Variants in TRPM4 observed in about 807,000 individuals in gnomAD.
TRPM4 encodes the protein transient receptor potential cation channel subfamily M member 4, also known as calcium-activated non-selective cation channel 1.
Under a neutral mutation model 135.6 loss-of-function variants are expected in TRPM4, and 124 were observed. The observed-to-expected ratio is 0.91, with a 90% confidence interval of 0.79 to 1.06. TRPM4 has a LOEUF of 1.06. TRPM4 is among the 50% of genes least tolerant of loss of function. The probability of loss-of-function intolerance (pLI) is 0.00; values close to 1 mark genes in which losing one functional copy is unlikely to be tolerated. For synonymous variants in TRPM4, 745 were observed against 705.6 expected, an observed-to-expected ratio of 1.06 and a Z score of -0.88; for missense variants, 1,658 against 1,671.4, an observed-to-expected ratio of 0.99 and a Z score of 0.14.
At chr19:49,186,799 G>C (rs367696132) in intron 12 of TRPM4, among the ~76,000 whole-genome samples, 1 of 151,958 alleles carries the variant, frequency 6.6e-6, no homozygotes, top group Non-Finnish European at 1.5e-5. Flanking sequence ...CTTGAACCTC[G>C]GAGGCAGAGG....
chr19:49,183,520 C>G (rs1332203984), intron 12 of TRPM4, among the ~76,000 whole-genome samples: 1 of 151,992 alleles, frequency 6.6e-6, no homozygotes, highest in Non-Finnish European at 1.5e-5. Flanking sequence ...CCTCAGCCTC[C>G]GGAGTAGCTG....
Position 49,202,073 on chromosome 19 carries a change from G to A in TRPM4, c.3063G>A (p.Val1021=), listed in dbSNP as rs1968957900. 6 of 1,614,062 alleles carry A rather than the reference G, an allele frequency of 3.7e-6. No homozygotes were observed. Among genetic ancestry groups the A allele is most frequent in the Non-Finnish European group, 5.1e-6 (6 of 1,180,028 alleles). Residue 1021 remains valine, a synonymous_variant, in exon 20 of 25, where the codon GTG becomes GTA. Coordinates refer to ENST00000252826, the MANE Select transcript of TRPM4 (RefSeq NM_017636.4). ...CVSQYANWLV[V]LLLVIFLLVA... is the part of the protein sequence containing the mutation. ...CCCAGTATGCCAACTGGCTGGTGGT[G>A]CTGCTCCTCGTCATCTTCCTGCTCG...
In TRPM4 at chr19:49,168,412, A is replaced by G. The variant is rs1967317100; in HGVS notation, c.601A>G (p.Ile201Val). Residue 201 changes from isoleucine to valine, a missense_variant, in exon 5 of 25, where the codon ATC becomes GTC. Around this residue, in one of 3 missense-constraint regions of TRPM4, gnomAD observed 1,412 missense variants for 1,408.7 expected, o/e 1.00. Coordinates refer to ENST00000252826, the MANE Select transcript of TRPM4 (RefSeq NM_017636.4). ...TGTGGTCCGGAATAGAGACACCCTCATCAACCCCAAGGTGTGACCCAGGGA... is the reference window on the plus strand; with the variant it reads ...TGTGGTCCGGAATAGAGACACCCTCGTCAACCCCAAGGTGTGACCCAGGGA... Reference protein sequence around the residue: ...WGVVRNRDTLINPKGSFPARY... With the variant: ...WGVVRNRDTLVNPKGSFPARY... 1 of 1,613,866 alleles carries G rather than the reference A, an allele frequency of 6.2e-7. No homozygotes were observed. Among genetic ancestry groups the G allele is most frequent in the African/African-American group, 1.3e-5 (1 of 74,876 alleles).
At chr19:49,207,659 A>G (rs971926590) in intron 20 of TRPM4, among the ~76,000 whole-genome samples, 3 of 144,520 alleles carry the variant, frequency 2.1e-5, no homozygotes, top group Admixed American at 6.8e-5. Context: ...AAAAAAAAAA[A>G]GCCATGCATG....
chr19:49,171,517 G>A lies in TRPM4; in HGVS notation c.859-61G>A, dbSNP rs1215954504. On this transcript the variant is annotated intron_variant, in intron 7 of 24. Transcript: ENST00000252826. The surrounding 1 kb of genome is among the most constrained non-coding windows in gnomAD (Gnocchi z 4.7). The stretch of plus-strand genomic sequence containing the variant: ...AGGGAGGGTCTGGGGGTCTGACTCC[G>A]GGTAGGGTGAATATCCTGCCTTTTC... 20 of 1,612,092 alleles carry A rather than the reference G, an allele frequency of 1.2e-5. No homozygotes were observed. Among genetic ancestry groups the A allele is most frequent in the South Asian group, 7.7e-5 (7 of 91,024 alleles).
intron 20 of TRPM4, among the ~76,000 whole-genome samples, chr19:49,206,528 C>T (rs1255492661): frequency 1.3e-5 from 2 of 151,220 alleles, no homozygotes; most frequent in Non-Finnish European, 2.9e-5. Context: ...CAACCTCTGC[C>T]TCCCGGGCTC....
At chr19:49,188,147 G>A (rs1968267003) in intron 12 of TRPM4, among the ~76,000 whole-genome samples, 1 of 152,148 alleles carries the variant, frequency 6.6e-6, no homozygotes, top group South Asian at 2.1e-4. Flanking sequence ...TATCAATTTC[G>A]TTTCAGAGTC....
chr19:49,187,506 G>C (rs1968240795), intron 12 of TRPM4, among the ~76,000 whole-genome samples: 3 of 151,132 alleles, frequency 2.0e-5, no homozygotes, highest in African/African-American at 7.3e-5. Flanking sequence ...CACCACGCCT[G>C]GCTAACTAAA....
In TRPM4 at chr19:49,210,604, A is replaced by G. The variant is rs2145997499; in HGVS notation, c.3329-106A>G. ...GGGCGGGGCATGTTCTCGAATCACC[A>G]GGGGCTGGGTCTGGGATAGCGTGCG... On this transcript the variant is annotated intron_variant, in intron 21 of 24. Transcript: ENST00000252826. The surrounding 1 kb of genome is among the most constrained non-coding windows in gnomAD (Gnocchi z 4.1). The G allele has an allele frequency of 3.2e-6, 5 of 1,565,110 alleles. No homozygotes were observed. The South Asian group carries it at 3.4e-5, about 11-fold the overall frequency.
At position 49,167,826 on chromosome 19, in the gene TRPM4, G is replaced by A. The variant is rs907091048; in HGVS notation, c.268-91G>A. 30 of 1,148,114 alleles carry A rather than the reference G, an allele frequency of 2.6e-5. 3 individuals carry two copies. The highest frequency in any genetic ancestry group is 3.6e-5 in the Non-Finnish European group (28 of 769,026). The allele number at this position is 1,148,114 out of a possible 1,614,324, so 71.1% of individuals were successfully genotyped here. On this transcript the variant is annotated intron_variant, in intron 3 of 24. Transcript: ENST00000252826. ...TCTGGGTCTCTGTCCCCGTCTCTCT[G>A]GGTCTCTGTCCCCGTCTCTCTGGGT...
intron 10 of TRPM4, 96 bp from the exon 11 acceptor site, chr19:49,182,482 A>ATCCG (rs1341460770): frequency 1.1e-6 from 1 of 903,556 alleles, no homozygotes; most frequent in Non-Finnish European, 1.7e-6. Flanking sequence ...CCATCCATCC[A>ATCCG]TCCATCCATC....
Position 49,200,722 on chromosome 19 carries a change from C to A in TRPM4, c.2890C>A (p.Arg964Ser), listed in dbSNP as rs749078579. 18 of 1,614,080 alleles carry A rather than the reference C, an allele frequency of 1.1e-5. No individual in the cohort carries two copies. The highest frequency in any genetic ancestry group is 2.2e-5 in the East Asian group (1 of 44,878). Residue 964 changes from arginine to serine, a missense_variant, in exon 19 of 25, where the codon CGC becomes AGC. Arg to Ser is a moderately radical substitution (Grantham distance 110). Around this residue, in one of 3 missense-constraint regions of TRPM4, gnomAD observed 1,412 missense variants for 1,408.7 expected, o/e 1.00. Transcript: ENST00000252826. ...GGACAGTGACTTCCCAAGTATCCTG[C>A]GCCGCGTCTTCTACCGTCCCTACCT... ...PRDSDFPSILRRVFYRPYLQI... is the reference protein window; with the variant it reads ...PRDSDFPSILSRVFYRPYLQI...
At position 49,196,590 on chromosome 19, in the gene TRPM4, G is replaced by T; in HGVS notation, c.2361G>T (p.Val787=). The T allele has an allele frequency of 6.4e-7, 1 of 1,557,458 alleles. No homozygotes were observed. Among genetic ancestry groups the T allele is most frequent in the Non-Finnish European group, 8.7e-7 (1 of 1,153,888 alleles). Residue 787 remains valine, a synonymous_variant, in exon 17 of 25, where the codon GTG becomes GTT. Transcript: ENST00000252826. ...GAPVTIFMGN[V]VSYLLFLLLF... ...CGGTGACCATCTTCATGGGCAACGT[G>T]GTCAGCTACCTGCTGTTCCTGCTGC...
chr19:49,194,447 G>A (rs1968547387), intron 16 of TRPM4, among the ~76,000 whole-genome samples: 2 of 152,162 alleles, frequency 1.3e-5, no homozygotes, highest in Middle Eastern at 3.4e-3. Flanking sequence ...GTTTCGCCAT[G>A]TTGCCCAGGC....
intron 9 of TRPM4, among the ~76,000 whole-genome samples, chr19:49,175,826 A>G (rs1018450142): frequency 2.4e-4 from 36 of 147,906 alleles, no homozygotes; most frequent in African/African-American, 9.0e-4. Context: ...ACGGAGTTTC[A>G]CCGTGTTAGC....
intron 14 of TRPM4, among the ~76,000 whole-genome samples, chr19:49,189,553 T>G (rs2122989973): frequency 6.6e-6 from 1 of 151,858 alleles, no homozygotes; most frequent in African/African-American, 2.4e-5. Context: ...TTTTTTTTTT[T>G]TGGACATAAA....
chr19:49,158,005 G>C (rs934094348), intron 1 of TRPM4, 115 bp downstream of exon 1: 2 of 1,341,154 alleles, frequency 1.5e-6, no homozygotes, highest in East Asian at 4.9e-5. Context: ...GAGGGGGATG[G>C]GAGGGTCCAG....
In TRPM4 at chr19:49,188,783, C is replaced by G. The variant is rs184297107; in HGVS notation, c.1873+13C>G. 433 of 1,613,830 alleles carry G rather than the reference C, an allele frequency of 2.7e-4. 4 individuals carry two copies. In the African/African-American group the frequency reaches 4.7e-3, roughly 17 times the overall value. ...GGGATGGGCGTTGGTGCGTGGGGCACGGTGCCTGGGAGCAGGGACGGGGGC... is the reference window on the plus strand; with the variant it reads ...GGGATGGGCGTTGGTGCGTGGGGCAGGGTGCCTGGGAGCAGGGACGGGGGC... On this transcript the variant is annotated intron_variant, in intron 13 of 24. Transcript: ENST00000252826.
At chr19:49,206,387 G>A (rs1969151639) in intron 20 of TRPM4, among the ~76,000 whole-genome samples, 2 of 151,550 alleles carry the variant, frequency 1.3e-5, no homozygotes, top group Admixed American at 1.3e-4. Context: ...TTAAAGATCA[G>A]AGTTTCCATG....
Sources: gnomAD v4.1 joint callset for allele counts (sites outside exome capture counted in the v4.1 genomes callset) on GRCh38, gnomAD v4.1.1 for gene constraint, gnomAD v4.1.1 regional missense constraint, Gnocchi (gnomAD v3.1) non-coding constraint, MANE v1.5 for transcripts, NCBI Gene and HGNC (gene_info 2026-07-23, HGNC 2026-07-21) for gene names.